Variants in WRN observed in about 807,000 individuals in gnomAD.
The protein encoded by WRN is bifunctional 3'-5' exonuclease/ATP-dependent helicase WRN.
A neutral mutation model predicts 180.7 loss-of-function variants in WRN; 149 were observed. The observed-to-expected ratio is 0.82, with a 90% CI of 0.72 to 0.94. WRN has a LOEUF of 0.94. Among genes scored for constraint, WRN ranks in the 40% least tolerant of loss-of-function variants. The probability of loss-of-function intolerance (pLI) is 0.00; values close to 1 mark genes in which losing one functional copy is unlikely to be tolerated. For synonymous variants in WRN, 548 were observed against 568.9 expected (o/e 0.96, Z 0.52); for missense variants, 1,661 against 1,700.1 (o/e 0.98, Z 0.40).
chr8:31,102,571 G>T (rs1479976016), intron 18 of WRN, among the ~76,000 whole-genome samples: 1 of 152,168 alleles, frequency 6.6e-6, no homozygotes, highest in Non-Finnish European at 1.5e-5. Flanking sequence ...TAATACAATG[G>T]TAAGTATTTG....
chr8:31,140,746 T>TTTTG (rs1563375843), intron 24 of WRN, among the ~76,000 whole-genome samples: 16 of 152,004 alleles, frequency 1.1e-4, no homozygotes, highest in African/African-American at 9.7e-5. Context: ...GCATTGCGTT[T>TTTTG]TTTTGTTTTG....
chr8:31,124,445 TAA>T, intron 21 of WRN, 75 bp from the exon 22 acceptor site: 1 of 1,137,684 alleles, frequency 8.8e-7, no homozygotes, highest in Non-Finnish European at 1.3e-6. Flanking sequence ...AAATAAACAG[TAA>T]AAAATAAGTA....
chr8:31,081,883 C>G (rs1813327299), intron 9 of WRN, among the ~76,000 whole-genome samples: 1 of 152,128 alleles, frequency 6.6e-6, no homozygotes, highest in Non-Finnish European at 1.5e-5. Flanking sequence ...ACCTCAGCCT[C>G]CCTAGTAGCT....
Position 31,080,932 on chromosome 8 carries a change from C to G in WRN, c.905C>G (p.Ser302Cys). 1 of 1,613,338 alleles carries G rather than the reference C, an allele frequency of 6.2e-7. No individual in the cohort carries two copies. The highest frequency in any genetic ancestry group is 8.5e-7 in the Non-Finnish European group (1 of 1,179,750). Residue 302 changes from serine (S) to cysteine (C), a missense_variant, in exon 9 of 35, where the codon TCT (serine) becomes TGT (cysteine). Physicochemically the swap from Ser to Cys is moderately radical, Grantham distance 112 (BLOSUM62 -1). Around this residue, in one of 3 missense-constraint regions of WRN, gnomAD observed 500 missense variants for 504.1 expected, o/e 0.99. Coordinates refer to ENST00000298139, the MANE Select transcript of WRN (RefSeq NM_000553.6). ...TCACTGAGGAGGATGATAATTGGGT[C>G]TACTAACATTGAGACTGAACTGAGG... ...LYSLRRMIIGSTNIETELRPS... is the reference protein window; with the variant it reads ...LYSLRRMIIGCTNIETELRPS...
chr8:31,141,342 C>G, intron 24 of WRN, 88 bp from the exon 25 acceptor site: 2 of 1,534,990 alleles, frequency 1.3e-6, no homozygotes, highest in Non-Finnish European at 1.8e-6. Context: ...TAGTGTAAAT[C>G]CAAAGAATCA....
At chr8:31,150,938 C>T (rs1803099951) in intron 31 of WRN, among the ~76,000 whole-genome samples, 1 of 152,018 alleles carries the variant, frequency 6.6e-6, no homozygotes, top group African/African-American at 2.4e-5. Flanking sequence ...CCTTCATATC[C>T]TTTTATTATT....
At chr8:31,078,952 T>A (rs1301783979) in intron 8 of WRN, among the ~76,000 whole-genome samples, 2 of 152,222 alleles carry the variant, frequency 1.3e-5, no homozygotes, top group East Asian at 3.8e-4. Context: ...TCTGTGCCAC[T>A]GTTGCTGTGT....
intron 24 of WRN, among the ~76,000 whole-genome samples, chr8:31,141,178 C>T (rs550034780): frequency 6.6e-6 from 1 of 152,250 alleles, no homozygotes; most frequent in Admixed American, 6.5e-5. Context: ...CAAACCTATA[C>T]ACTGGGCAAT....
In WRN at chr8:31,108,047, C is replaced by A. The variant is rs10094726; in HGVS notation, c.2089-3568C>A. On this transcript the variant is annotated intron_variant, in intron 18 of 34. Coordinates refer to ENST00000298139, the MANE Select transcript of WRN (RefSeq NM_000553.6). ...CCTGAATTTAGAAGCAGGTGGGATA[C>A]TTATACTTTTCTCAGTCTGTGGGCA... Among the ~76,000 whole-genome samples the A allele has an allele frequency of 2.4e-3, 369 of 152,316 alleles. 2 individuals carry two copies. The highest frequency in any genetic ancestry group is 8.6e-3 in the African/African-American group (356 of 41,564).
intron 8 of WRN, 53 bp downstream of exon 8, chr8:31,076,340 T>A (rs1473583907): frequency 2.1e-5 from 31 of 1,480,628 alleles, no homozygotes; most frequent in Non-Finnish European, 2.7e-5. Context: ...TTTATTTTTT[T>A]ATCACATTTT....
At chr8:31,064,471 A>T in intron 4 of WRN, 37 bp downstream of exon 4, 5 of 1,613,328 alleles carry the variant, frequency 3.1e-6, no homozygotes, top group Non-Finnish European at 4.2e-6. Context: ...TATGGCTGAT[A>T]ATTGTAATAT....
At chr8:31,105,999 C>T (rs1306177666) in intron 18 of WRN, among the ~76,000 whole-genome samples, 1 of 152,164 alleles carries the variant, frequency 6.6e-6, no homozygotes, top group African/African-American at 2.4e-5. Context: ...CAACAGGTAT[C>T]TCAAACTTAA....
At chr8:31,118,248 A>G (rs1474152819) in intron 20 of WRN, among the ~76,000 whole-genome samples, 8 of 152,096 alleles carry the variant, frequency 5.3e-5, no homozygotes, top group African/African-American at 1.9e-4. Context: ...ATATGCATGT[A>G]TGTGTTGCGG....
intron 33 of WRN, among the ~76,000 whole-genome samples, chr8:31,165,202 C>T (rs1803806006): frequency 6.6e-6 from 1 of 151,822 alleles, no homozygotes. Context: ...ATGATAATAG[C>T]TCAAGCTTGT....
intron 34 of WRN, among the ~76,000 whole-genome samples, chr8:31,170,484 T>A (rs912665759): frequency 2.6e-5 from 4 of 152,212 alleles, no homozygotes; most frequent in African/African-American, 9.6e-5. Flanking sequence ...ATAGTTTTCA[T>A]GACAAATGTA....
chr8:31,070,634 A>T lies in WRN; in HGVS notation c.724+2307A>T, dbSNP rs543272633. Among the ~76,000 whole-genome samples, 4 of 152,018 alleles carry T rather than the reference A, an allele frequency of 2.6e-5. No individual in the cohort carries two copies. The South Asian group carries it at 8.3e-4, about 32-fold the overall frequency. On this transcript the variant is annotated intron_variant, in intron 7 of 34. Coordinates refer to ENST00000298139, the MANE Select transcript of WRN (RefSeq NM_000553.6). The stretch of plus-strand genomic sequence containing the variant: ...AGTGTAGGGAGATGAGTCTTATGTC[A>T]TGGGAAAACAAGGTGCTGTAGTTGA...
In WRN at chr8:31,174,866, CTCTT is replaced by C. The variant is rs201973593; in HGVS notation, c.*1780_*1783del. 0.024 allele frequency among the ~76,000 whole-genome samples: 2,296 copies of C among 97,654 alleles called. 33 individuals are homozygous for C. Among genetic ancestry groups the C allele is most frequent in the South Asian group, 0.073 (196 of 2,668 alleles). The allele number at this position is 97,654 out of a possible 152,430, so 64.1% of individuals were successfully genotyped here. ...CTCCCTCCCTCCTTTCTTTTTCTTT[CTCTT>C]TCTTTCTTTCTTTCTCTCTCTCTCT... On this transcript the variant is annotated 3_prime_UTR_variant, in exon 35 of 35. Transcript: ENST00000298139.
chr8:31,049,769 A>G (rs1481027889), intron 1 of WRN, among the ~76,000 whole-genome samples: 2 of 152,128 alleles, frequency 1.3e-5, no homozygotes, highest in East Asian at 3.8e-4. Flanking sequence ...AGGGGATCCC[A>G]GTATACTATA....
At chr8:31,088,055 T>G in intron 12 of WRN, 135 bp downstream of exon 12, 1 of 1,471,614 alleles carries the variant, frequency 6.8e-7, no homozygotes, top group African/African-American at 1.4e-5. Context: ...TTATAAGCTT[T>G]TGTCTCCTTA....
Sources: allele counts gnomAD v4.1 joint callset (sites outside exome capture counted in the v4.1 genomes callset), GRCh38; gene constraint gnomAD v4.1.1; regional missense constraint gnomAD v4.1.1; transcripts MANE v1.5; gene names NCBI Gene and HGNC (gene_info 2026-07-23, HGNC 2026-07-21).